Variants in HORMAD1 observed in about 807,000 individuals in gnomAD.
The protein encoded by HORMAD1 is HORMA domain containing 1.
Under a neutral mutation model 58.2 loss-of-function variants are expected in HORMAD1, and 33 were observed. That is an observed-to-expected ratio of 0.57 (90% CI 0.43 to 0.76). The LOEUF is 0.76. Among genes scored for constraint, HORMAD1 ranks in the 30% least tolerant of loss-of-function variants. The pLI, the probability that HORMAD1 is intolerant of heterozygous loss-of-function variation, is 0.00. For missense variants in HORMAD1, 363 were observed against 462.0 expected (o/e 0.79, Z 1.96); for synonymous variants, 137 against 144.6 (o/e 0.95, Z 0.38).
intron 9 of HORMAD1, among the ~76,000 whole-genome samples, chr1:150,707,473 C>T (rs1216735671): frequency 1.3e-5 from 2 of 152,170 alleles, no homozygotes; most frequent in Non-Finnish European, 2.9e-5. Context: ...TTAGCCAATG[C>T]TATAATCAAA....
chr1:150,703,527 G>A (rs1651599170), intron 12 of HORMAD1, 134 bp from the exon 13 acceptor site: 1 of 541,262 alleles, frequency 1.8e-6, no homozygotes, highest in Admixed American at 3.7e-5. Flanking sequence ...ATTTTGAGTT[G>A]GTTCATACTG....
chr1:150,709,149 G>A (rs1651782272), intron 7 of HORMAD1, among the ~76,000 whole-genome samples, 188 bp from the exon 8 acceptor site: 1 of 152,104 alleles, frequency 6.6e-6, no homozygotes, highest in Admixed American at 6.6e-5. Flanking sequence ...CTTCAGTCTT[G>A]GAGAGACATT....
chr1:150,703,326 A>C lies in HORMAD1; in HGVS notation c.1016T>G (p.Val339Gly). ...GATATTTACCATTTTATTCTGAAAGACTTTTCCACTTCTTGTTTTGCTTTC... is the reference window on the plus strand; with the variant it reads ...GATATTTACCATTTTATTCTGAAAGCCTTTTCCACTTCTTGTTTTGCTTTC... ...MSESKTRSGK[V>G]FQNKMANGNQ... Residue 339 changes from valine (V) to glycine (G), a missense_variant, in exon 13 of 15, where the codon GTC (valine) becomes GGC (glycine). Coordinates refer to ENST00000361824, the MANE Select transcript of HORMAD1 (RefSeq NM_032132.5). 6.4e-7 allele frequency: 1 copy of C among 1,559,068 alleles called. No individual in the cohort carries two copies. The highest frequency in any genetic ancestry group is 8.8e-7 in the Non-Finnish European group (1 of 1,137,446).
rs1016672113 is a variant in HORMAD1 at position 150,698,591 on chromosome 1, T to C, written c.*63A>G. On this transcript the variant is annotated 3_prime_UTR_variant, in exon 15 of 15. Transcript: ENST00000361824. ...CATCTTCAGAGTTAGGGAAATATAATATAGGGTCCTTCAGTTTAAATGGTG... is the reference window on the plus strand; with the variant it reads ...CATCTTCAGAGTTAGGGAAATATAACATAGGGTCCTTCAGTTTAAATGGTG... 1.1e-5 allele frequency: 9 copies of C among 847,470 alleles called. No homozygotes were observed. The highest frequency in any genetic ancestry group is 1.0e-4 in the East Asian group (4 of 40,160). The allele number at this position is 847,470 out of a possible 1,614,324, so 52.5% of individuals were successfully genotyped here.
chr1:150,700,250 A>G (rs1571064896), intron 13 of HORMAD1, 67 bp from the exon 14 acceptor site: 4 of 851,972 alleles, frequency 4.7e-6, no homozygotes, highest in East Asian at 4.9e-5. Context: ...TGATTTTTCA[A>G]TCTTATGCAA....
chr1:150,718,869 A>T (rs900066215), intron 2 of HORMAD1, among the ~76,000 whole-genome samples: 4 of 152,240 alleles, frequency 2.6e-5, no homozygotes, highest in African/African-American at 4.8e-5. Context: ...ATGAACAATA[A>T]TTTCATCAAA....
chr1:150,708,220 T>G, intron 9 of HORMAD1, 36 bp downstream of exon 9: 1 of 1,472,182 alleles, frequency 6.8e-7, no homozygotes. Flanking sequence ...ATAAAACATA[T>G]GTACCAACTG....
At chr1:150,700,383 TC>T (rs899114943) in intron 13 of HORMAD1, among the ~76,000 whole-genome samples, 200 bp from the exon 14 acceptor site, 1 of 152,132 alleles carries the variant, frequency 6.6e-6, no homozygotes, top group African/African-American at 2.4e-5. Context: ...CCTCAAGGGA[TC>T]CTCCTGCCTC....
At chr1:150,706,012 G>A (rs1665203531) in intron 10 of HORMAD1, among the ~76,000 whole-genome samples, 1 of 152,128 alleles carries the variant, frequency 6.6e-6, no homozygotes. Flanking sequence ...CCATTCACTC[G>A]ACTAATACTT....
intron 1 of HORMAD1, among the ~76,000 whole-genome samples, 184 bp from the exon 2 acceptor site, chr1:150,719,722 T>G (rs1225836040): frequency 5.9e-5 from 9 of 152,192 alleles, no homozygotes; most frequent in Non-Finnish European, 1.0e-4. Context: ...GGTCCTGATT[T>G]GAAGCCATTT....
At chr1:150,703,942 A>C (rs746273910) in intron 12 of HORMAD1, among the ~76,000 whole-genome samples, 176 bp downstream of exon 12, 8 of 152,162 alleles carry the variant, frequency 5.3e-5, no homozygotes, top group African/African-American at 1.9e-4. Flanking sequence ...TCCACCAGTA[A>C]TATACTCAAA....
intron 9 of HORMAD1, among the ~76,000 whole-genome samples, 155 bp downstream of exon 9, chr1:150,708,101 T>A (rs1274824071): frequency 1.3e-5 from 2 of 152,226 alleles, no homozygotes; most frequent in African/African-American, 4.8e-5. Flanking sequence ...TAAAGCTTAA[T>A]TTTGTAAATC....
chr1:150,717,245 T>A lies in HORMAD1; in HGVS notation c.71A>T (p.His24Leu). ...CCTCTTCACTAACACCAAAGACTGG[T>A]GTTCAGTTGATATCTTATTGGGAAA... ...LVFPNKISTE[H>L]QSLVLVKRLL... Residue 24 changes from histidine to leucine, a missense_variant, in exon 3 of 15, where the codon CAC becomes CTC. Transcript: ENST00000361824. The A allele has an allele frequency of 6.3e-7, 1 of 1,590,866 alleles. No homozygotes were observed. The highest frequency in any genetic ancestry group is 1.1e-5 in the South Asian group (1 of 87,406).
intron 5 of HORMAD1, chr1:150,713,798 G>T: frequency 3.7e-6 from 1 of 273,594 alleles, no homozygotes; most frequent in East Asian, 8.8e-5. Context: ...TAAACTATTT[G>T]AAAAGACTCT....
chr1:150,720,244 G>C (rs587702991), intron 1 of HORMAD1, among the ~76,000 whole-genome samples: 4 of 152,222 alleles, frequency 2.6e-5, no homozygotes, highest in African/African-American at 9.6e-5. Context: ...GCTAATTTTT[G>C]TATTTCTAGT....
chr1:150,702,571 G>T (rs1325742773), intron 13 of HORMAD1, among the ~76,000 whole-genome samples: 1 of 152,036 alleles, frequency 6.6e-6, no homozygotes, highest in Admixed American at 6.6e-5. Context: ...GCCATAAAAA[G>T]AAATGAAATC....
At chr1:150,715,581 GTATTAT>G (rs768294654) in intron 3 of HORMAD1, among the ~76,000 whole-genome samples, 2 of 151,944 alleles carry the variant, frequency 1.3e-5, no homozygotes, top group African/African-American at 4.8e-5. Context: ...TAAACTGGCT[GTATTAT>G]TATTATTATT....
intron 10 of HORMAD1, 114 bp from the exon 11 acceptor site, chr1:150,704,457 AACTACTG>A: frequency 1.5e-6 from 1 of 674,860 alleles, no homozygotes; most frequent in Non-Finnish European, 2.5e-6. Flanking sequence ...TACAATATAA[AACTACTG>A]GCCGGGCATG....
intron 9 of HORMAD1, among the ~76,000 whole-genome samples, chr1:150,707,700 C>T (rs1242476737): frequency 6.6e-6 from 1 of 152,158 alleles, no homozygotes; most frequent in Non-Finnish European, 1.5e-5. Context: ...CTTTGGGAGG[C>T]CAAAGCGGGT....
Sources: allele counts gnomAD v4.1 joint callset (sites outside exome capture counted in the v4.1 genomes callset), GRCh38; gene constraint gnomAD v4.1.1; transcripts MANE v1.5; gene names NCBI Gene and HGNC (gene_info 2026-07-23, HGNC 2026-07-21).